The following CSNK2A2IP variants were observed in gnomAD, a reference collection of about 807,000 sequenced individuals.
CSNK2A2IP encodes casein kinase 2 subunit alpha' interacting protein.
At chr3:88,386,084 A>C in the CSNK2A2IP span, among the ~76,000 whole-genome samples, 1 of 152,252 alleles carries the variant, frequency 6.6e-6, no homozygotes, top group Middle Eastern at 3.4e-3. Context: ...TCCATTTGTG[A>C]AATATTTTTG....
At chr3:88,426,637 G>A in the CSNK2A2IP span, among the ~76,000 whole-genome samples, 1 of 152,100 alleles carries the variant, frequency 6.6e-6, no homozygotes, top group South Asian at 2.1e-4. Flanking sequence ...TAGGGAGTGA[G>A]TTCTCATGAG....
chr3:88,405,846 A>C, the CSNK2A2IP span, among the ~76,000 whole-genome samples: 1 of 152,154 alleles, frequency 6.6e-6, no homozygotes, highest in Non-Finnish European at 1.5e-5. Context: ...TTATTCCATT[A>C]GGGAGCTTGC....
chr3:88,383,539 A>T, the CSNK2A2IP span, among the ~76,000 whole-genome samples: 1 of 151,900 alleles, frequency 6.6e-6, no homozygotes, highest in Non-Finnish European at 1.5e-5. Context: ...TTTACTGTGT[A>T]CTCATCAGCA....
the CSNK2A2IP span, among the ~76,000 whole-genome samples, chr3:88,409,677 T>C: frequency 6.6e-6 from 1 of 152,042 alleles, no homozygotes; most frequent in Non-Finnish European, 1.5e-5. Context: ...TATTTGTGAG[T>C]TGGATATGAT....
the CSNK2A2IP span, among the ~76,000 whole-genome samples, chr3:88,389,168 T>C: frequency 1.3e-5 from 2 of 151,908 alleles, no homozygotes; most frequent in Non-Finnish European, 2.9e-5. Flanking sequence ...TTAGGAGTAA[T>C]TGGGTAAAGC....
the CSNK2A2IP span, chr3:88,382,705 G>A: frequency 1.3e-5 from 2 of 152,172 alleles, no homozygotes; most frequent in Non-Finnish European, 2.9e-5. Context: ...AGATGCAGAA[G>A]ATATTAATCA....
At chr3:88,402,435 G>T in the CSNK2A2IP span, among the ~76,000 whole-genome samples, 12,573 of 151,984 alleles carry the variant, frequency 0.083, 1,506 homozygotes, top group African/African-American at 0.26. Flanking sequence ...AAAAACTCTT[G>T]CATATGTGCA....
chr3:88,440,818 A>G, the CSNK2A2IP span, among the ~76,000 whole-genome samples: 1 of 152,172 alleles, frequency 6.6e-6, no homozygotes, highest in East Asian at 1.9e-4. Flanking sequence ...ATCTTTCTGT[A>G]GCATTTTAAT....
the CSNK2A2IP span, among the ~76,000 whole-genome samples, chr3:88,346,056 G>A: frequency 1.3e-5 from 2 of 151,910 alleles, no homozygotes; most frequent in East Asian, 3.9e-4. Flanking sequence ...GAAAAATTTG[G>A]TGGTCTGGAT....
the CSNK2A2IP span, among the ~76,000 whole-genome samples, chr3:88,433,593 A>T: frequency 6.6e-6 from 1 of 152,214 alleles, no homozygotes; most frequent in Non-Finnish European, 1.5e-5. Flanking sequence ...AAGCAAGTAA[A>T]ATACATTGAT....
At chr3:88,376,615 T>C in the CSNK2A2IP span, among the ~76,000 whole-genome samples, 493 of 150,302 alleles carry the variant, frequency 3.3e-3, 2 homozygotes, top group Non-Finnish European at 6.1e-3. Context: ...ACATTCACTA[T>C]TTTTTTTCAG....
the CSNK2A2IP span, among the ~76,000 whole-genome samples, chr3:88,427,342 G>T: frequency 7.9e-5 from 12 of 152,266 alleles, no homozygotes; most frequent in South Asian, 2.5e-3. Flanking sequence ...TAAAAAGTTT[G>T]GAAAATTTGC....
At chr3:88,392,952 A>C in the CSNK2A2IP span, among the ~76,000 whole-genome samples, 11 of 152,294 alleles carry the variant, frequency 7.2e-5, no homozygotes, top group South Asian at 1.4e-3. Context: ...CACAAGGTTT[A>C]GGGAAGGGTG....
the CSNK2A2IP span, among the ~76,000 whole-genome samples, chr3:88,450,576 T>TA: frequency 6.6e-6 from 1 of 152,216 alleles, no homozygotes; most frequent in Non-Finnish European, 1.5e-5. Context: ...TCACTCAGCA[T>TA]AATGTCCTTC....
chr3:88,345,899 A>G, the CSNK2A2IP span, among the ~76,000 whole-genome samples: 1 of 152,044 alleles, frequency 6.6e-6, no homozygotes, highest in Non-Finnish European at 1.5e-5. Context: ...TTGAAAGCTG[A>G]GGCAGGTTGA....
chr3:88,402,521 T>A, the CSNK2A2IP span, among the ~76,000 whole-genome samples: 1 of 152,102 alleles, frequency 6.6e-6, no homozygotes, highest in Non-Finnish European at 1.5e-5. Context: ...AAATGTCTAT[T>A]ACTAAAATTG....
At chr3:88,466,876 C>T in the CSNK2A2IP span, 1 of 1,183,858 alleles carries the variant, frequency 8.4e-7, no homozygotes, top group African/African-American at 1.6e-5. Flanking sequence ...CATACCAACA[C>T]CTGAGGCCAA....
the CSNK2A2IP span, among the ~76,000 whole-genome samples, chr3:88,423,681 A>G: frequency 1.3e-5 from 2 of 152,032 alleles, no homozygotes; most frequent in Admixed American, 6.6e-5. Context: ...CTTACCTTGC[A>G]CTCGTTGTTT....
chr3:88,412,360 CA>C, the CSNK2A2IP span, among the ~76,000 whole-genome samples: 1 of 151,946 alleles, frequency 6.6e-6, no homozygotes, highest in South Asian at 2.1e-4. Context: ...CAGTGGATAG[CA>C]TTGGGATCAT....
Sources: allele counts gnomAD v4.1 joint callset (sites outside exome capture counted in the v4.1 genomes callset), GRCh38; gene constraint gnomAD v4.1.1; transcripts MANE v1.5; gene names NCBI Gene and HGNC (gene_info 2026-07-23, HGNC 2026-07-21).